Variants in LEF1 observed in about 807,000 individuals in gnomAD.
LEF1 encodes the protein lymphoid enhancer binding factor 1.
Under a neutral mutation model 51.2 loss-of-function variants are expected in LEF1, and 14 were observed. The observed-to-expected ratio is 0.27, with a 90% CI of 0.18 to 0.43. LEF1 has a LOEUF of 0.43. Among genes scored for constraint, LEF1 ranks in the 20% least tolerant of loss-of-function variants. The pLI, the probability that LEF1 is intolerant of heterozygous loss-of-function variation, is 1.00. For synonymous variants in LEF1, 185 were observed against 183.2 expected, an observed-to-expected ratio of 1.01 and a Z score of -0.08; for missense variants, 386 against 512.0, an observed-to-expected ratio of 0.75 and a Z score of 2.37.
intron 7 of LEF1, 125 bp from the exon 8 acceptor site, chr4:108,078,507 C>T (rs779206036): frequency 8.6e-7 from 1 of 1,163,770 alleles, no homozygotes; most frequent in Non-Finnish European, 1.3e-6. Flanking sequence ...CCTCTCACCC[C>T]AGACCACCAC....
At chr4:108,095,426 G>C (rs905294246) in intron 3 of LEF1, among the ~76,000 whole-genome samples, 1 of 152,184 alleles carries the variant, frequency 6.6e-6, no homozygotes, top group African/African-American at 2.4e-5. Flanking sequence ...TTAGTGGAGA[G>C]AGGATCTGTG....
intron 1 of LEF1, chr4:108,166,806 T>C: frequency 2.0e-6 from 2 of 985,964 alleles, no homozygotes; most frequent in Non-Finnish European, 2.4e-6. Context: ...AAGTTGTGGG[T>C]TTGTTTCCAA....
chr4:108,165,111 T>C lies in LEF1; in HGVS notation c.266A>G (p.Glu89Gly). The C allele has an allele frequency of 6.2e-7, 1 of 1,614,128 alleles. No homozygotes were observed. The highest frequency in any genetic ancestry group is 8.5e-7 in the Non-Finnish European group (1 of 1,180,004). ...GGGTGTCTTACCGTCATCGGGGTGTTCTCTGGCCTTGTCGTGGTAGGGCTC... is the reference window on the plus strand; with the variant it reads ...GGGTGTCTTACCGTCATCGGGGTGTCCTCTGGCCTTGTCGTGGTAGGGCTC... ...SQEPYHDKAR[E>G]HPDDGKHPDG... The change falls in exon 2 of 12, where the codon GAA (glutamate) becomes GGA (glycine). Residue 89 changes from glutamate (E) to glycine (G), a missense_variant. By Grantham distance (98) the Glu-to-Gly change is moderately conservative (BLOSUM62 -2). This residue lies in a region of LEF1 where 335 missense variants were observed against 390.7 expected (regional missense o/e 0.86). Transcript: ENST00000265165.
At chr4:108,126,197 A>C (rs1219089819) in intron 3 of LEF1, among the ~76,000 whole-genome samples, 1 of 152,132 alleles carries the variant, frequency 6.6e-6, no homozygotes, top group Non-Finnish European at 1.5e-5. Context: ...TAGATTTTTG[A>C]CAGTAATAAA....
At chr4:108,054,612 G>A (rs901926802) in intron 11 of LEF1, among the ~76,000 whole-genome samples, 2 of 152,294 alleles carry the variant, frequency 1.3e-5, no homozygotes, top group South Asian at 2.1e-4. Context: ...AACTTCACAC[G>A]ACACATTCGG....
Position 108,157,173 on chromosome 4 carries a change from T to TACACACACAC in LEF1, c.414+6394_414+6395insGTGTGTGTGT, listed in dbSNP as rs1371267234. 2.5e-3 allele frequency among the ~76,000 whole-genome samples: 170 copies of TACACACACAC among 67,080 alleles called. 1 individual carries two copies. In the Admixed American group the frequency reaches 0.026, roughly 10 times the overall value. 44.0% of individuals were successfully genotyped at this position (67,080 alleles called of 152,430 possible). A position where few individuals can be genotyped will look rare whatever the true frequency, so the allele number is the denominator to read the frequency against. ...TTCTCTCTCTCTCTCTCTCTCTATA[T>TACACACACAC]ATATATACACACACACACACACACA... is the stretch of plus-strand genomic sequence containing the variant. On this transcript the variant is annotated intron_variant, in intron 3 of 11. Coordinates refer to ENST00000265165, the MANE Select transcript of LEF1 (RefSeq NM_016269.5).
At chr4:108,121,110 T>A (rs1052303988) in intron 3 of LEF1, among the ~76,000 whole-genome samples, 3 of 152,230 alleles carry the variant, frequency 2.0e-5, no homozygotes, top group Non-Finnish European at 4.4e-5. Context: ...AAAAGACACA[T>A]GTGCTTAAGG....
At chr4:108,074,709 A>G (rs1353306040) in intron 8 of LEF1, among the ~76,000 whole-genome samples, 1 of 152,208 alleles carries the variant, frequency 6.6e-6, no homozygotes, top group African/African-American at 2.4e-5. Context: ...GATCTCAGAG[A>G]CCTATAAATA....
intron 3 of LEF1, among the ~76,000 whole-genome samples, chr4:108,097,972 T>G (rs1246480029): frequency 1.3e-5 from 2 of 152,092 alleles, no homozygotes; most frequent in African/African-American, 4.8e-5. Context: ...GGAGGCGACA[T>G]GAGGCAACCC....
chr4:108,131,409 T>C (rs182368853), intron 3 of LEF1, among the ~76,000 whole-genome samples: 24 of 151,964 alleles, frequency 1.6e-4, no homozygotes, highest in African/African-American at 5.3e-4. Context: ...AAAAAAATGT[T>C]TTAAATAAAA....
intron 11 of LEF1, among the ~76,000 whole-genome samples, chr4:108,049,316 C>T (rs779038730): frequency 5.3e-5 from 8 of 152,044 alleles, no homozygotes; most frequent in Non-Finnish European, 1.2e-4. Context: ...TTTTTTTTTC[C>T]TTCCTAACAT....
chr4:108,167,729 C>A lies in LEF1; in HGVS notation c.39G>T (p.Gly13=). Residue 13 remains glycine (G), a synonymous_variant, in exon 1 of 12, where the codon GGG becomes GGT. Transcript: ENST00000265165. The surrounding 1 kb of genome is among the most constrained non-coding windows in gnomAD (Gnocchi z 5.7). ...CGTCCGTGGCGCAGAGTTCCGGGTC[C>A]CCCCCGCCGCCGCCACCTCCTCCGG... ...QLSGGGGGGG[G]DPELCATDEM... 1 of 1,613,568 alleles carries A rather than the reference C, an allele frequency of 6.2e-7. No individual in the cohort carries two copies. Among genetic ancestry groups the A allele is most frequent in the South Asian group, 1.1e-5 (1 of 91,074 alleles).
At chr4:108,124,040 C>G (rs2110338687) in intron 3 of LEF1, among the ~76,000 whole-genome samples, 1 of 152,102 alleles carries the variant, frequency 6.6e-6, no homozygotes, top group Middle Eastern at 3.4e-3. Flanking sequence ...CCCTGCTACT[C>G]CAGAGGCTGA....
intron 3 of LEF1, among the ~76,000 whole-genome samples, chr4:108,128,769 G>C (rs866305206): frequency 6.6e-6 from 1 of 152,050 alleles, no homozygotes; most frequent in African/African-American, 2.4e-5. Flanking sequence ...CTATGTATAT[G>C]GGCAGGACTA....
At chr4:108,122,973 T>C (rs192220533) in intron 3 of LEF1, among the ~76,000 whole-genome samples, 1 of 152,378 alleles carries the variant, frequency 6.6e-6, no homozygotes, top group African/African-American at 2.4e-5. Flanking sequence ...TTAAAGATTT[T>C]TGTCTGACTC....
intron 9 of LEF1, 38 bp downstream of exon 9, chr4:108,070,625 T>A: frequency 1.5e-6 from 2 of 1,333,460 alleles, no homozygotes; most frequent in Middle Eastern, 1.8e-4. Context: ...AGCGAATGAG[T>A]GAGAGTGGAG....
chr4:108,088,467 C>A (rs1739793039), intron 4 of LEF1, among the ~76,000 whole-genome samples: 1 of 152,316 alleles, frequency 6.6e-6, no homozygotes, highest in African/African-American at 2.4e-5. Flanking sequence ...CTTGGTGCAC[C>A]AGAGCTCTCT....
Position 108,108,822 on chromosome 4 carries a change from TTCTC to T in LEF1, c.415-19569_415-19566del, listed in dbSNP as rs572031248. The stretch of plus-strand genomic sequence containing the variant: ...GAGCTCTTCCTGTTGAGCTGCAAGT[TTCTC>T]TCTCCTCCTTCATACTCTTACCCTC... On this transcript the variant is annotated intron_variant, in intron 3 of 11. Transcript: ENST00000265165. Among the ~76,000 whole-genome samples, 29 of 152,332 alleles carry T rather than the reference TTCTC, an allele frequency of 1.9e-4. No individual in the cohort carries two copies. The South Asian group carries it at 5.8e-3, about 31-fold the overall frequency.
intron 11 of LEF1, among the ~76,000 whole-genome samples, chr4:108,055,273 T>C (rs1316397136): frequency 6.6e-6 from 1 of 152,236 alleles, no homozygotes; most frequent in Non-Finnish European, 1.5e-5. Context: ...AAAAGAATTA[T>C]TAAAAAGCAG....
Sources: gnomAD v4.1 joint callset for allele counts (sites outside exome capture counted in the v4.1 genomes callset) on GRCh38, gnomAD v4.1.1 for gene constraint, gnomAD v4.1.1 regional missense constraint, Gnocchi (gnomAD v3.1) non-coding constraint, MANE v1.5 for transcripts, NCBI Gene and HGNC (gene_info 2026-07-23, HGNC 2026-07-21) for gene names.